Variants in BPTF observed in about 807,000 individuals in gnomAD.
The protein encoded by BPTF is bromodomain PHD finger transcription factor, also known as nucleosome-remodeling factor subunit BPTF.
BPTF carries 18 observed loss-of-function variants against 292.5 expected under a neutral mutation model. The observed-to-expected ratio is 0.06, with a 90% CI of 0.04 to 0.09. The LOEUF is 0.09. Among genes scored for constraint, BPTF ranks in the 10% least tolerant of loss-of-function variants. The pLI is 1.00. For synonymous variants in BPTF, 1,225 were observed against 1,251.9 expected, an observed-to-expected ratio of 0.98 and a Z score of 0.45; for missense variants, 2,726 against 3,498.7, an observed-to-expected ratio of 0.78 and a Z score of 5.57.
intron 13 of BPTF, among the ~76,000 whole-genome samples, chr17:67,921,707 C>A (rs1314452574): frequency 6.6e-6 from 1 of 151,924 alleles, no homozygotes; most frequent in Non-Finnish European, 1.5e-5. Flanking sequence ...TGAAGTAATA[C>A]CTGTTCCTAG....
intron 2 of BPTF, among the ~76,000 whole-genome samples, chr17:67,864,128 A>T (rs1187555647): frequency 1.3e-5 from 2 of 152,138 alleles, no homozygotes. Flanking sequence ...CCAAATATAC[A>T]TACATAATGT....
chr17:67,947,323 A>G (rs2065889008), intron 21 of BPTF, among the ~76,000 whole-genome samples: 1 of 152,338 alleles, frequency 6.6e-6, no homozygotes, highest in South Asian at 2.1e-4. Flanking sequence ...GACGAGGGAC[A>G]GTTCTTTAAA....
intron 19 of BPTF, among the ~76,000 whole-genome samples, chr17:67,943,414 C>G (rs2065548528): frequency 6.6e-6 from 1 of 152,074 alleles, no homozygotes; most frequent in Non-Finnish European, 1.5e-5. Flanking sequence ...TCCTGGTATT[C>G]AGGGTTTCTA....
chr17:67,850,891 G>C (rs530344072), intron 1 of BPTF, among the ~76,000 whole-genome samples: 133 of 152,242 alleles, frequency 8.7e-4, no homozygotes, highest in African/African-American at 3.0e-3. Context: ...GAGAAGAAAA[G>C]ACACACACAC....
At chr17:67,942,479 G>A (rs1418643692) in intron 19 of BPTF, among the ~76,000 whole-genome samples, 1 of 152,168 alleles carries the variant, frequency 6.6e-6, no homozygotes, top group Non-Finnish European at 1.5e-5. Flanking sequence ...ACAAAACCAA[G>A]AGTTAGCAAA....
intron 17 of BPTF, among the ~76,000 whole-genome samples, chr17:67,931,015 C>T (rs1420329873): frequency 6.6e-6 from 1 of 151,312 alleles, no homozygotes; most frequent in Non-Finnish European, 1.5e-5. Flanking sequence ...ACCTGTAATC[C>T]CAGCACTTTG....
chr17:67,860,089 T>C (rs985720996), intron 2 of BPTF, among the ~76,000 whole-genome samples: 12 of 152,244 alleles, frequency 7.9e-5, no homozygotes, highest in African/African-American at 2.9e-4. Context: ...CCTTTTTTGA[T>C]GCATAATAAA....
At chr17:67,973,035 A>ATT (rs2068945087) in intron 26 of BPTF, among the ~76,000 whole-genome samples, 1 of 143,022 alleles carries the variant, frequency 7.0e-6, no homozygotes. Context: ...AAATATATAT[A>ATT]TTTATATATA....
chr17:67,912,613 G>A lies in BPTF; in HGVS notation c.4729G>A (p.Gly1577Arg). ...LPINKNENVN[G>R]ESKRKTVITE... ...CATCAACAAAAATGAAAATGTCAAT[G>A]GAGAATCTAAAAGAAAAACCGTCAT... The change falls in exon 11 of 28, where the codon GGA becomes AGA. Residue 1577 changes from glycine to arginine, a missense_variant. Physicochemically the swap from Gly to Arg is moderately radical, Grantham distance 125 (BLOSUM62 -2). Coordinates refer to ENST00000306378, the MANE Select transcript of BPTF (RefSeq NM_182641.4). 2 of 1,613,222 alleles carry A rather than the reference G, an allele frequency of 1.2e-6. No individual in the cohort carries two copies. Among genetic ancestry groups the A allele is most frequent in the Non-Finnish European group, 1.7e-6 (2 of 1,179,870 alleles).
At chr17:67,899,275 G>A (rs747714059) in intron 7 of BPTF, among the ~76,000 whole-genome samples, 17 of 152,154 alleles carry the variant, frequency 1.1e-4, no homozygotes, top group Non-Finnish European at 2.5e-4. Flanking sequence ...AGAGCCAGCC[G>A]CTTTGGATGC....
intron 3 of BPTF, among the ~76,000 whole-genome samples, chr17:67,869,996 C>T (rs1387411398): frequency 1.7e-5 from 2 of 120,116 alleles, no homozygotes; most frequent in South Asian, 2.6e-4. Context: ...AGCGAGACTC[C>T]GTCTCAAAAA....
At chr17:67,946,441 A>G (rs1555675542) in intron 21 of BPTF, 116 bp downstream of exon 21, 10 of 1,441,366 alleles carry the variant, frequency 6.9e-6, no homozygotes, top group Non-Finnish European at 6.4e-6. Flanking sequence ...TTAATGTTTA[A>G]ATTTAGAAGA....
chr17:67,862,970 C>T (rs1188380835), intron 2 of BPTF, among the ~76,000 whole-genome samples: 4 of 152,112 alleles, frequency 2.6e-5, no homozygotes, highest in Non-Finnish European at 5.9e-5. Context: ...TCCCATTACC[C>T]AGTTCCAAAA....
intron 9 of BPTF, 75 bp downstream of exon 9, chr17:67,904,915 T>A: frequency 8.2e-7 from 1 of 1,215,632 alleles, no homozygotes; most frequent in Non-Finnish European, 1.1e-6. Flanking sequence ...GTATTTTGAC[T>A]ATATTTTAGA....
At chr17:67,840,493 G>T (rs59123759) in intron 1 of BPTF, among the ~76,000 whole-genome samples, 4 of 150,390 alleles carry the variant, frequency 2.7e-5, no homozygotes, top group African/African-American at 9.9e-5. Flanking sequence ...CTGCTCCTCC[G>T]CCTCCTCCTT....
chr17:67,912,708 C>T lies in BPTF; in HGVS notation c.4824C>T (p.Gly1608=), dbSNP rs762313294. ...AAACTGTGATCAAGGTAGAAAAAGG[C>T]GATAAGCAAACTGTGGTTTCTTCCA... is the stretch of plus-strand genomic sequence containing the variant. ...ESKTVIKVEK[G]DKQTVVSSTE... Residue 1608 remains glycine (G), a synonymous_variant, in exon 11 of 28, where the codon GGC becomes GGT. Transcript: ENST00000306378. 3.7e-6 allele frequency: 6 copies of T among 1,613,896 alleles called. No individual in the cohort carries two copies. Among genetic ancestry groups the T allele is most frequent in the South Asian group, 3.3e-5 (3 of 91,088 alleles).
At chr17:67,874,789 A>AT (rs767362095) in intron 3 of BPTF, 28 bp from the exon 4 acceptor site, 24 of 1,500,816 alleles carry the variant, frequency 1.6e-5, no homozygotes, top group Non-Finnish European at 2.0e-5. Flanking sequence ...TATAGGAATA[A>AT]TTTTTTTGTT....
At chr17:67,981,984 AATATATATAT>A (rs35063149) in intron 27 of BPTF, 25,291 of 137,626 alleles carry the variant, frequency 0.18, 2,665 homozygotes, top group East Asian at 0.48. Context: ...TTATTAGACA[AATATATATAT>A]ATATATATAT....
chr17:67,909,744 C>A lies in BPTF; in HGVS notation c.2975C>A (p.Thr992Asn). 1 of 1,572,816 alleles carries A rather than the reference C, an allele frequency of 6.4e-7. No homozygotes were observed. The highest frequency in any genetic ancestry group is 8.6e-7 in the Non-Finnish European group (1 of 1,164,768). The stretch of plus-strand genomic sequence containing the variant: ...AATGAAATGGATATCTCAAAGATTA[C>A]TGAGAAGAAGGACCAAGGTAAGGAG... ...DQNEMDISKI[T>N]EKKDQDVKEL... The change falls in exon 10 of 28, where the codon ACT (threonine) becomes AAT (asparagine). Residue 992 changes from threonine (T) to asparagine (N), a missense_variant. Around this residue, in one of 22 missense-constraint regions of BPTF, gnomAD observed 713 missense variants for 714.9 expected, o/e 1.00. Coordinates refer to ENST00000306378, the MANE Select transcript of BPTF (RefSeq NM_182641.4).
Sources: gnomAD v4.1 joint callset for allele counts (sites outside exome capture counted in the v4.1 genomes callset) on GRCh38, gnomAD v4.1.1 for gene constraint, gnomAD v4.1.1 regional missense constraint, MANE v1.5 for transcripts, NCBI Gene and HGNC (gene_info 2026-07-23, HGNC 2026-07-21) for gene names.